CNTNAP5: variants seen among roughly 807,000 people sequenced by gnomAD.
CNTNAP5 encodes the protein contactin-associated protein-like 5.
A neutral mutation model predicts 150.2 loss-of-function variants in CNTNAP5; 72 were observed. That is an observed-to-expected ratio of 0.48 (90% CI 0.40 to 0.58). The LOEUF is 0.58. Ranked by LOEUF, CNTNAP5 falls within the 20% of genes least tolerant of loss-of-function variation. The pLI is 0.00. For synonymous variants in CNTNAP5, 672 were observed against 619.8 expected, an observed-to-expected ratio of 1.08 and a Z score of -1.25; for missense variants, 1,636 against 1,626.2, an observed-to-expected ratio of 1.01 and a Z score of -0.10.
chr2:124,568,222 T>A (rs1240333565), intron 11 of CNTNAP5, among the ~76,000 whole-genome samples: 1 of 152,286 alleles, frequency 6.6e-6, no homozygotes, highest in East Asian at 1.9e-4. Context: ...TCTAGAAGAC[T>A]GAGAGATGAG....
At chr2:124,440,490 C>CA (rs892418981) in intron 5 of CNTNAP5, among the ~76,000 whole-genome samples, 1 of 152,046 alleles carries the variant, frequency 6.6e-6, no homozygotes, top group African/African-American at 2.4e-5. Context: ...TTTAATCAAA[C>CA]AAGGCATTTG....
intron 3 of CNTNAP5, among the ~76,000 whole-genome samples, chr2:124,264,385 CACAT>C (rs55683363): frequency 0.26 from 17,353 of 67,992 alleles, 1,020 homozygotes; most frequent in Middle Eastern, 0.4. Flanking sequence ...CACACACACA[CACAT>C]ACACACACAC....
intron 1 of CNTNAP5, among the ~76,000 whole-genome samples, chr2:124,065,925 G>A (rs1682140888): frequency 6.6e-6 from 1 of 152,284 alleles, no homozygotes; most frequent in African/African-American, 2.4e-5. Context: ...GCTAAAAAAG[G>A]ACGATGTATT....
chr2:124,511,828 A>G lies in CNTNAP5; in HGVS notation c.1327+7272A>G, dbSNP rs532864865. On this transcript the variant is annotated intron_variant, in intron 8 of 23. Coordinates refer to ENST00000682447, the MANE Select transcript of CNTNAP5 (RefSeq NM_001367498.1). ...TAAACTTAGCCTATTTGATACCATG[A>G]ATTTTGTGGATGAGTTGCTTGCATG... 5.2e-4 allele frequency among the ~76,000 whole-genome samples: 79 copies of G among 152,200 alleles called. 2 individuals are homozygous for G. Among genetic ancestry groups the G allele is most frequent in the African/African-American group, 1.7e-3 (71 of 41,546 alleles).
chr2:124,122,064 T>C (rs1193304923), intron 1 of CNTNAP5, among the ~76,000 whole-genome samples: 2 of 152,148 alleles, frequency 1.3e-5, no homozygotes, highest in African/African-American at 4.8e-5. Flanking sequence ...TAAATAGCTG[T>C]GGATTTATTA....
At chr2:124,124,038 A>C (rs1683629192) in intron 1 of CNTNAP5, among the ~76,000 whole-genome samples, 1 of 152,238 alleles carries the variant, frequency 6.6e-6, no homozygotes, top group Non-Finnish European at 1.5e-5. Flanking sequence ...CAGCAACGGA[A>C]CAAAGCTGGA....
At chr2:124,736,119 A>G (rs749590524) in intron 13 of CNTNAP5, among the ~76,000 whole-genome samples, 3 of 152,168 alleles carry the variant, frequency 2.0e-5, no homozygotes, top group Non-Finnish European at 4.4e-5. Flanking sequence ...AATCCCAGCT[A>G]TTCGAGAGAC....
At chr2:124,247,825 G>A (rs1010224807) in intron 3 of CNTNAP5, among the ~76,000 whole-genome samples, 1 of 152,192 alleles carries the variant, frequency 6.6e-6, no homozygotes, top group East Asian at 1.9e-4. Context: ...ATTAGCCATT[G>A]TAACAAAGTT....
Position 124,025,425 on chromosome 2 carries a change from C to A in CNTNAP5, c.-226C>A. ...AGGCGGGCGAGGAAGGCGAGTCCAG[C>A]TAGCGGCTGTTGCGGGGACCGTAGC... is the stretch of plus-strand genomic sequence containing the variant. On this transcript the variant is annotated 5_prime_UTR_variant, in exon 1 of 24. Transcript: ENST00000682447. 3 of 577,992 alleles carry A rather than the reference C, an allele frequency of 5.2e-6. No homozygotes were observed. The highest frequency in any genetic ancestry group is 9.3e-6 in the Non-Finnish European group (3 of 322,762). The allele number at this position is 577,992 out of a possible 1,614,324, so 35.8% of individuals were successfully genotyped here. A position where few individuals can be genotyped will look rare whatever the true frequency, so the allele number is the denominator to read the frequency against.
chr2:124,406,793 A>G (rs182923716), intron 3 of CNTNAP5, among the ~76,000 whole-genome samples: 15 of 152,318 alleles, frequency 9.8e-5, no homozygotes, highest in Admixed American at 3.3e-4. Flanking sequence ...ACATTAGAAC[A>G]TATTTCTTCT....
intron 3 of CNTNAP5, among the ~76,000 whole-genome samples, chr2:124,361,186 T>A (rs907666699): frequency 4.2e-4 from 62 of 147,448 alleles, no homozygotes; most frequent in African/African-American, 1.6e-3. Context: ...TTCTCTGTAT[T>A]GGTTATTCTA....
intron 11 of CNTNAP5, among the ~76,000 whole-genome samples, chr2:124,606,091 T>C (rs771158081): frequency 1.1e-4 from 16 of 152,070 alleles, no homozygotes; most frequent in African/African-American, 2.2e-4. Context: ...TGTAGAAAAC[T>C]AGGCAAATGA....
chr2:124,580,406 A>G (rs1316886986), intron 11 of CNTNAP5, among the ~76,000 whole-genome samples: 2 of 152,232 alleles, frequency 1.3e-5, no homozygotes, highest in East Asian at 3.8e-4. Context: ...CCATGTTCAA[A>G]TAAGGCAGAT....
At chr2:124,439,405 T>G (rs1692619708) in intron 5 of CNTNAP5, among the ~76,000 whole-genome samples, 1 of 152,220 alleles carries the variant, frequency 6.6e-6, no homozygotes, top group Non-Finnish European at 1.5e-5. Context: ...ACTTTTTAGC[T>G]TGGTTATATT....
chr2:124,617,421 G>T (rs1677515097), intron 12 of CNTNAP5, among the ~76,000 whole-genome samples: 1 of 152,092 alleles, frequency 6.6e-6, no homozygotes, highest in Admixed American at 6.5e-5. Flanking sequence ...TTGATGGTTT[G>T]CTCAATCCTT....
At chr2:124,289,244 G>T (rs993017803) in intron 3 of CNTNAP5, among the ~76,000 whole-genome samples, 2 of 151,994 alleles carry the variant, frequency 1.3e-5, no homozygotes, top group African/African-American at 2.4e-5. Context: ...ATCATTTTTG[G>T]CAAAGAGCCA....
intron 10 of CNTNAP5, among the ~76,000 whole-genome samples, chr2:124,538,138 CAA>C (rs1695285215): frequency 6.6e-6 from 1 of 152,174 alleles, no homozygotes; most frequent in Non-Finnish European, 1.5e-5. Context: ...AAAATGTCTA[CAA>C]AGTCCCCAGG....
chr2:124,540,642 T>C (rs1695357243), intron 10 of CNTNAP5, among the ~76,000 whole-genome samples: 1 of 152,088 alleles, frequency 6.6e-6, no homozygotes, highest in African/African-American at 2.4e-5. Flanking sequence ...CTGATCTTCC[T>C]TGGATCAGGA....
intron 22 of CNTNAP5, 64 bp downstream of exon 22, chr2:124,903,164 A>G: frequency 9.3e-7 from 1 of 1,080,512 alleles, no homozygotes; most frequent in South Asian, 2.6e-5. Context: ...GTCTTCAAGA[A>G]GCTTCCAGAT....
Sources: gnomAD v4.1 joint callset for allele counts (sites outside exome capture counted in the v4.1 genomes callset) on GRCh38, gnomAD v4.1.1 for gene constraint, MANE v1.5 for transcripts, NCBI Gene and HGNC (gene_info 2026-07-23, HGNC 2026-07-21) for gene names.